The following PNPLA7 variants were observed in gnomAD, a reference collection of about 807,000 sequenced individuals.
The protein encoded by PNPLA7 is patatin-like phospholipase domain-containing protein 7.
A neutral mutation model predicts 161.7 loss-of-function variants in PNPLA7; 153 were observed. The observed-to-expected ratio is 0.95, with a 90% CI of 0.83 to 1.08. PNPLA7 has a LOEUF of 1.08. Ranked by LOEUF, PNPLA7 falls within the 50% of genes least tolerant of loss-of-function variation. PNPLA7 has a pLI of 0.00. For synonymous variants in PNPLA7, 809 were observed against 782.1 expected (o/e 1.03, Z -0.57); for missense variants, 1,739 against 1,856.6 (o/e 0.94, Z 1.16).
At chr9:137,506,350 G>A (rs1036349203) in intron 12 of PNPLA7, among the ~76,000 whole-genome samples, 1 of 152,270 alleles carries the variant, frequency 6.6e-6, no homozygotes, top group Non-Finnish European at 1.5e-5. Context: ...TAGCCCGGTC[G>A]GTACCTAAAA....
intron 7 of PNPLA7, 139 bp downstream of exon 7, chr9:137,542,503 A>G: frequency 1.0e-6 from 1 of 999,034 alleles, no homozygotes; most frequent in Non-Finnish European, 1.4e-6. Flanking sequence ...AAAAAATAAA[A>G]ACGGTGAGTT....
In PNPLA7 at chr9:137,478,062, CAA is replaced by C. The variant is rs1357890211; in HGVS notation, c.2852_2853del (p.Ile951SerfsTer46). 1 of 1,429,294 alleles carries C rather than the reference CAA, an allele frequency of 7.0e-7. No individual in the cohort carries two copies. The highest frequency in any genetic ancestry group is 1.6e-5 in the South Asian group (1 of 63,320). The allele number at this position is 1,429,294 out of a possible 1,614,324, so 88.5% of individuals were successfully genotyped here. A position where few individuals can be genotyped will look rare whatever the true frequency, so the allele number is the denominator to read the frequency against. ...RLARVLTGNAIALVLGGGGAR... is the reference protein window; with the variant it reads ...RLARVLTGNAXALVLGGGGAR... ...GCTCCCCCTCCCCCAAGCACCAGGGCAATGGCGTTGCCCGTCAGCACCCTCGC... is the reference window on the plus strand; with the variant it reads ...GCTCCCCCTCCCCCAAGCACCAGGGCTGGCGTTGCCCGTCAGCACCCTCGC... On this transcript the variant is annotated frameshift_variant, in exon 25 of 35. Coordinates refer to ENST00000406427, the MANE Select transcript of PNPLA7 (RefSeq NM_001098537.3). LOFTEE classifies it high-confidence loss of function.
At chr9:137,491,955 C>G in intron 20 of PNPLA7, 1 of 985,444 alleles carries the variant, frequency 1.0e-6, no homozygotes, top group Non-Finnish European at 1.2e-6. Context: ...ATGCAGGACA[C>G]GCGGGAGCAG....
chr9:137,519,921 G>A lies in PNPLA7; in HGVS notation c.1080C>T (p.Asp360=). The change falls in exon 11 of 35, where the codon GAC becomes GAT. Residue 360 remains aspartate, a synonymous_variant. Coordinates refer to ENST00000406427, the MANE Select transcript of PNPLA7 (RefSeq NM_001098537.3). The stretch of plus-strand genomic sequence containing the variant: ...CTCCTTGGTGCAGGACAGTACCTGA[G>A]TCACAGGACTCCTGGAGCCGCGGTG... ...KKPPRLQESC[D]SDHGGGRPAA... The A allele has an allele frequency of 1.2e-6, 2 of 1,612,132 alleles. No individual in the cohort carries two copies. The highest frequency in any genetic ancestry group is 1.7e-6 in the Non-Finnish European group (2 of 1,179,628).
At position 137,500,713 on chromosome 9, in the gene PNPLA7, TGGACA is replaced by T. The variant is rs1309506366; in HGVS notation, c.1730_1734del (p.Leu577HisfsTer8). 6.2e-7 allele frequency: 1 copy of T among 1,612,074 alleles called. No individual in the cohort carries two copies. Among genetic ancestry groups the T allele is most frequent in the Admixed American group, 1.7e-5 (1 of 59,980 alleles). ...CACTCATAGAAGTGGGCCTTGGAGA[TGGACA>T]GGAAGCTGCAGTCCCTGTTGGCCTT... On this transcript the variant is annotated frameshift_variant, in exon 16 of 35. Coordinates refer to ENST00000406427, the MANE Select transcript of PNPLA7 (RefSeq NM_001098537.3). LOFTEE classifies it high-confidence loss of function. This position sits in a 1 kb window ranked among gnomAD's most constrained non-coding sequence, Gnocchi z 5.5.
Position 137,524,452 on chromosome 9 carries a change from G to A in PNPLA7, c.748-1595C>T, listed in dbSNP as rs1404220253. 3.9e-5 allele frequency among the ~76,000 whole-genome samples: 6 copies of A among 152,220 alleles called. No homozygotes were observed. The highest frequency in any genetic ancestry group is 2.1e-4 in the South Asian group (1 of 4,824). On this transcript the variant is annotated intron_variant, in intron 8 of 34. Transcript: ENST00000406427. This position sits in a 1 kb window ranked among gnomAD's most constrained non-coding sequence, Gnocchi z 4.4. ...CTCGTGAAGGCCTCGCAGGGTCTCCGTCCATTCAGCAGTCGAAGGATATTT... is the reference window on the plus strand; with the variant it reads ...CTCGTGAAGGCCTCGCAGGGTCTCCATCCATTCAGCAGTCGAAGGATATTT...
rs980230603 is a variant in PNPLA7, at chr9:137,486,011, C to T, written c.2198-1275G>A. ...CCTGAGGCCACCGCGCCACCAGCCA[C>T]GCTCCTGCCCACGAGGGTCTCCTGC... On this transcript the variant is annotated intron_variant, in intron 20 of 34. Coordinates refer to ENST00000406427, the MANE Select transcript of PNPLA7 (RefSeq NM_001098537.3). The surrounding 1 kb of genome is among the most constrained non-coding windows in gnomAD (Gnocchi z 6.0). Among the ~76,000 whole-genome samples the T allele has an allele frequency of 6.6e-6, 1 of 151,888 alleles. No homozygotes were observed. Among genetic ancestry groups the T allele is most frequent in the East Asian group, 1.9e-4 (1 of 5,188 alleles).
intron 16 of PNPLA7, 106 bp from the exon 17 acceptor site, chr9:137,498,351 C>A: frequency 2.7e-6 from 4 of 1,505,120 alleles, no homozygotes; most frequent in East Asian, 2.4e-5. Context: ...CCACCCCACC[C>A]GGAAAGTAGA....
In PNPLA7 at chr9:137,547,291, C is replaced by A. The variant is rs776737710; in HGVS notation, c.193+18G>T. 1 of 1,612,134 alleles carries A rather than the reference C, an allele frequency of 6.2e-7. No homozygotes were observed. The highest frequency in any genetic ancestry group is 1.1e-5 in the South Asian group (1 of 91,038). ...TTCCCCCAACCCCCCGGGCCAGAGT[C>A]GGAACCAAGATACTCACGAAATTGT... On this transcript the variant is annotated intron_variant, in intron 3 of 34. Transcript: ENST00000406427. This position sits in a 1 kb window ranked among gnomAD's most constrained non-coding sequence, Gnocchi z 4.6.
intron 8 of PNPLA7, among the ~76,000 whole-genome samples, chr9:137,536,639 A>G (rs923486940): frequency 5.3e-5 from 8 of 152,250 alleles, no homozygotes; most frequent in African/African-American, 1.9e-4. Context: ...AAGGAAATTT[A>G]ACTATAGTAC....
chr9:137,498,246 C>T lies in PNPLA7; in HGVS notation c.1758-1G>A. 1.9e-6 allele frequency: 3 copies of T among 1,610,272 alleles called. No homozygotes were observed. The highest frequency in any genetic ancestry group is 1.7e-4 in the Middle Eastern group (1 of 6,056). ...GACGGTCGGCTGCTTCCGCATGATT[C>T]TGCCGGGCAGCCCAGAGTCAATCCT... On this transcript the variant is annotated splice_acceptor_variant, in intron 16 of 34. Coordinates refer to ENST00000406427, the MANE Select transcript of PNPLA7 (RefSeq NM_001098537.3). LOFTEE classifies it high-confidence loss of function.
intron 12 of PNPLA7, chr9:137,509,603 A>G (rs1184959494): frequency 2.7e-6 from 1 of 373,412 alleles, no homozygotes. Flanking sequence ...GGTACAAATG[A>G]GTTTAGCTAG....
Position 137,510,439 on chromosome 9 carries a change from G to A in PNPLA7, c.1226-4356C>T, listed in dbSNP as rs1029272276. On this transcript the variant is annotated intron_variant, in intron 12 of 34. Transcript: ENST00000406427. The stretch of plus-strand genomic sequence containing the variant: ...GTCCCTGATATGCAGAAATAATGGC[G>A]TAAGCTGTCTTTCTGTCTGTCTCCT... 1.4e-4 allele frequency among the ~76,000 whole-genome samples: 21 copies of A among 152,296 alleles called. 1 individual carries two copies. Among genetic ancestry groups the A allele is most frequent in the South Asian group, 6.2e-4 (3 of 4,826 alleles).
chr9:137,520,044 C>T lies in PNPLA7; in HGVS notation c.958-1G>A. On this transcript the variant is annotated splice_acceptor_variant, in intron 10 of 34. Coordinates refer to ENST00000406427, the MANE Select transcript of PNPLA7 (RefSeq NM_001098537.3). LOFTEE classifies it high-confidence loss of function. This position sits in a 1 kb window ranked among gnomAD's most constrained non-coding sequence, Gnocchi z 5.2. ...ACACGAGAGGGATGGCCTGGCTCTCCTGGGACACAAGAAGGAAGTTCAGTG... is the reference window on the plus strand; with the variant it reads ...ACACGAGAGGGATGGCCTGGCTCTCTTGGGACACAAGAAGGAAGTTCAGTG... 1 of 1,612,216 alleles carries T rather than the reference C, an allele frequency of 6.2e-7. No homozygotes were observed. The highest frequency in any genetic ancestry group is 8.5e-7 in the Non-Finnish European group (1 of 1,179,832).
At chr9:137,505,552 G>A (rs1833868011) in intron 14 of PNPLA7, 62 bp downstream of exon 14, 2 of 1,588,776 alleles carry the variant, frequency 1.3e-6, no homozygotes, top group Non-Finnish European at 8.6e-7. Flanking sequence ...CCCAACAGAG[G>A]CAGAGAGGAG....
At chr9:137,539,233 C>A (rs1836056508) in intron 8 of PNPLA7, among the ~76,000 whole-genome samples, 1 of 152,042 alleles carries the variant, frequency 6.6e-6, no homozygotes, top group Admixed American at 6.5e-5. Context: ...ATCCCAGCCA[C>A]TCGGGAGGCT....
chr9:137,497,144 G>A (rs2132259152), intron 18 of PNPLA7, 43 bp downstream of exon 18: 1 of 1,486,100 alleles, frequency 6.7e-7, no homozygotes, highest in Non-Finnish European at 9.0e-7. Context: ...GCTCTGGGAG[G>A]GATGCAGAGG....
chr9:137,509,566 G>A, intron 12 of PNPLA7: 2 of 314,754 alleles, frequency 6.4e-6, no homozygotes, highest in Middle Eastern at 8.0e-4. Flanking sequence ...GTGTGAGTGA[G>A]TTTAACTGGT....
At chr9:137,461,446 C>CG in intron 33 of PNPLA7, 90 bp downstream of exon 33, 1 of 1,121,408 alleles carries the variant, frequency 8.9e-7, no homozygotes, top group Non-Finnish European at 1.2e-6. Context: ...GAGGGGAGGC[C>CG]GTGGGCCTCT....
Sources: gnomAD v4.1 joint callset for allele counts (sites outside exome capture counted in the v4.1 genomes callset) on GRCh38, gnomAD v4.1.1 for gene constraint, Gnocchi (gnomAD v3.1) non-coding constraint, MANE v1.5 for transcripts, NCBI Gene and HGNC (gene_info 2026-07-23, HGNC 2026-07-21) for gene names.